Variants in SEPTIN9 observed in about 807,000 individuals in gnomAD.
SEPTIN9 encodes the protein septin 9.
A neutral mutation model predicts 56.6 loss-of-function variants in SEPTIN9; 13 were observed. The ratio of observed to expected loss-of-function variants is 0.23; its 90% CI spans 0.15 to 0.37. The LOEUF (loss-of-function observed/expected upper bound fraction) is 0.37. Ranked by LOEUF, SEPTIN9 falls within the 10% of genes least tolerant of loss-of-function variation. The pLI is 1.00. For synonymous variants in SEPTIN9, 332 were observed against 334.1 expected, an observed-to-expected ratio of 0.99 and a Z score of 0.07; for missense variants, 650 against 823.1, an observed-to-expected ratio of 0.79 and a Z score of 2.57.
intron 2 of SEPTIN9, among the ~76,000 whole-genome samples, chr17:77,385,149 T>C (rs1001862244): frequency 1.5e-4 from 22 of 145,772 alleles, no homozygotes; most frequent in Non-Finnish European, 2.7e-4. Context: ...CTGGGCAACA[T>C]AGGGAGACCC....
At chr17:77,292,899 T>C (rs1309463494) in intron 1 of SEPTIN9, among the ~76,000 whole-genome samples, 1 of 152,236 alleles carries the variant, frequency 6.6e-6, no homozygotes, top group Admixed American at 6.5e-5. Context: ...CCCCTGGCCC[T>C]GCCCTGTTCA....
chr17:77,396,497 A>G (rs983797263), intron 2 of SEPTIN9, among the ~76,000 whole-genome samples: 2 of 152,170 alleles, frequency 1.3e-5, no homozygotes, highest in African/African-American at 2.4e-5. Flanking sequence ...GGAGACGTGT[A>G]AAGTGACAAG....
At chr17:77,356,036 GAGTTTCCATCCTC>G (rs1479655363) in intron 2 of SEPTIN9, among the ~76,000 whole-genome samples, 1 of 151,316 alleles carries the variant, frequency 6.6e-6, no homozygotes, top group African/African-American at 2.4e-5. Context: ...GTGAGGTTCT[GAGTTTCCATCCTC>G]AGAAGAAAAC....
At chr17:77,361,552 C>T (rs1284654365) in intron 2 of SEPTIN9, among the ~76,000 whole-genome samples, 1 of 151,884 alleles carries the variant, frequency 6.6e-6, no homozygotes, top group Non-Finnish European at 1.5e-5. Context: ...ATTTTAGGTC[C>T]CCAATTGGAC....
intron 1 of SEPTIN9, among the ~76,000 whole-genome samples, chr17:77,289,570 G>A (rs1216346480): frequency 2.6e-5 from 4 of 151,524 alleles, no homozygotes; most frequent in South Asian, 2.1e-4. Flanking sequence ...CACCATGCCC[G>A]GCTAATTTTG....
Position 77,492,847 on chromosome 17 carries a change from T to C in SEPTIN9, c.1476+131T>C. The C allele has an allele frequency of 8.3e-7, 1 of 1,199,074 alleles. No individual in the cohort carries two copies. Among genetic ancestry groups the C allele is most frequent in the Non-Finnish European group, 1.2e-6 (1 of 809,388 alleles). The allele number at this position is 1,199,074 out of a possible 1,614,324, so 74.3% of individuals were successfully genotyped here. ...CCAGAGGGCACTGAGCCCAGGTGTC[T>C]GTACCCAGTGCTGTCAGGCTGAGGC... On this transcript the variant is annotated intron_variant, in intron 9 of 11. Coordinates refer to ENST00000427177, the MANE Select transcript of SEPTIN9 (RefSeq NM_001113491.2). This position sits in a 1 kb window ranked among gnomAD's most constrained non-coding sequence, Gnocchi z 5.4.
Position 77,488,734 on chromosome 17 carries a change from C to T in SEPTIN9, c.1132C>T (p.Pro378Ser). Residue 378 changes from proline to serine, a missense_variant, in exon 7 of 12, where the codon CCC becomes TCC. Physicochemically the swap from Pro to Ser is moderately conservative, Grantham distance 74 (BLOSUM62 -1). Transcript: ENST00000427177. ...TCCCCATCCCCCACGCAGCTGGCAG[C>T]CCATCATGAAGTTCATCAATGACCA... ...DHINNENCWQ[P>S]IMKFINDQYE... The T allele has an allele frequency of 6.2e-7, 1 of 1,613,750 alleles. No individual in the cohort carries two copies. The highest frequency in any genetic ancestry group is 8.5e-7 in the Non-Finnish European group (1 of 1,179,924).
chr17:77,380,702 G>C (rs1214049823), intron 2 of SEPTIN9, among the ~76,000 whole-genome samples: 2 of 152,132 alleles, frequency 1.3e-5, no homozygotes, highest in Non-Finnish European at 2.9e-5. Context: ...CCCAAGCTCT[G>C]GTCACAGCCT....
intron 2 of SEPTIN9, among the ~76,000 whole-genome samples, chr17:77,358,180 G>A (rs1473349349): frequency 6.6e-6 from 1 of 152,188 alleles, no homozygotes; most frequent in Admixed American, 6.5e-5. Context: ...CCAGGAGTCT[G>A]ACACAGAGCC....
intron 2 of SEPTIN9, among the ~76,000 whole-genome samples, chr17:77,390,340 C>A (rs1328139329): frequency 2.7e-5 from 2 of 73,386 alleles, no homozygotes; most frequent in African/African-American, 1.4e-4. Flanking sequence ...GAGCAAGACT[C>A]CGTCTTAAAA....
rs867562555 is a variant in SEPTIN9 at position 77,317,695 on chromosome 17, C to T, written c.76+10498C>T. On this transcript the variant is annotated intron_variant, in intron 2 of 11. Transcript: ENST00000427177. The surrounding 1 kb of genome is among the most constrained non-coding windows in gnomAD (Gnocchi z 4.2). ...GAAATAAAGTGCACAATCAATACAA[C>T]GTGCTTGTGGCCGGGTGCAGTGGCT... Among the ~76,000 whole-genome samples, 9 of 152,080 alleles carry T rather than the reference C, an allele frequency of 5.9e-5. No homozygotes were observed. The highest frequency in any genetic ancestry group is 5.8e-4 in the East Asian group (3 of 5,202).
chr17:77,418,848 G>A (rs892061364), intron 3 of SEPTIN9, among the ~76,000 whole-genome samples: 6 of 152,092 alleles, frequency 3.9e-5, no homozygotes, highest in Non-Finnish European at 7.4e-5. Context: ...ACCGAGACCC[G>A]GTGCATGGGG....
At chr17:77,395,989 T>G (rs1046635157) in intron 2 of SEPTIN9, among the ~76,000 whole-genome samples, 6 of 152,232 alleles carry the variant, frequency 3.9e-5, no homozygotes, top group African/African-American at 1.4e-4. Flanking sequence ...TGAACGGTCT[T>G]CAGGCTTTTG....
chr17:77,478,960 A>G (rs1366131327), intron 3 of SEPTIN9, among the ~76,000 whole-genome samples: 4 of 152,220 alleles, frequency 2.6e-5, no homozygotes, highest in East Asian at 1.9e-4. Context: ...TTCCACTTAT[A>G]CCAGGTCCGT....
At chr17:77,431,355 T>C (rs1249510905) in intron 3 of SEPTIN9, among the ~76,000 whole-genome samples, 1 of 152,226 alleles carries the variant, frequency 6.6e-6, no homozygotes, top group Non-Finnish European at 1.5e-5. Context: ...CTTTTGTGAT[T>C]TTAAAAATCA....
chr17:77,322,964 C>T (rs548917827), intron 2 of SEPTIN9: 1 of 152,530 alleles, frequency 6.6e-6, no homozygotes, highest in Admixed American at 6.5e-5. Context: ...TGCCTCATGC[C>T]CCACTGGGCT....
Position 77,346,687 on chromosome 17 carries a change from G to A in SEPTIN9, c.76+39490G>A, listed in dbSNP as rs376072064. Among the ~76,000 whole-genome samples the A allele has an allele frequency of 2.1e-3, 324 of 152,152 alleles. 3 individuals carry two copies. The highest frequency in any genetic ancestry group is 7.4e-3 in the African/African-American group (309 of 41,500). On this transcript the variant is annotated intron_variant, in intron 2 of 11. Transcript: ENST00000427177. ...ATAGAGCTTTATAACTGCTGATTAGGTCAATTGCTAGTTACCAGTGTTCTT... is the reference window on the plus strand; with the variant it reads ...ATAGAGCTTTATAACTGCTGATTAGATCAATTGCTAGTTACCAGTGTTCTT...
chr17:77,320,899 G>T (rs891196949), intron 2 of SEPTIN9, among the ~76,000 whole-genome samples: 1 of 152,256 alleles, frequency 6.6e-6, no homozygotes, highest in African/African-American at 2.4e-5. Flanking sequence ...GTGCATGTGT[G>T]TGCGTGTGTC....
chr17:77,338,266 T>G (rs999407532), intron 2 of SEPTIN9, among the ~76,000 whole-genome samples: 5 of 152,144 alleles, frequency 3.3e-5, no homozygotes, highest in Admixed American at 2.0e-4. Context: ...TCATTATGTC[T>G]TTTTGCTAAA....
Sources: gnomAD v4.1 joint callset for allele counts (sites outside exome capture counted in the v4.1 genomes callset) on GRCh38, gnomAD v4.1.1 for gene constraint, Gnocchi (gnomAD v3.1) non-coding constraint, MANE v1.5 for transcripts, NCBI Gene and HGNC (gene_info 2026-07-23, HGNC 2026-07-21) for gene names.